Variants in ACTR3 observed in about 807,000 individuals in gnomAD.
ACTR3 encodes the protein actin-related protein 3.
In ACTR3, 12 loss-of-function variants were observed where a neutral mutation model predicts 56.8. That is an observed-to-expected ratio of 0.21 (90% confidence interval 0.14 to 0.34). The LOEUF (loss-of-function observed/expected upper bound fraction) is 0.34, where lower values mean the gene tolerates loss of function less well. Ranked by LOEUF, ACTR3 falls within the 10% of genes least tolerant of loss-of-function variation. The pLI, the probability that ACTR3 is intolerant of heterozygous loss-of-function variation, is 1.00. For synonymous variants in ACTR3, 162 were observed against 167.4 expected, an observed-to-expected ratio of 0.97 and a Z score of 0.25; for missense variants, 282 against 512.5, an observed-to-expected ratio of 0.55 and a Z score of 4.34.
chr2:113,959,089 T>C lies in ACTR3; in HGVS notation c.*1634T>C, dbSNP rs1487700807. On this transcript the variant is annotated 3_prime_UTR_variant, in exon 12 of 12. Transcript: ENST00000263238. The stretch of plus-strand genomic sequence containing the variant: ...TACTTGGAAAAGTAATTCACAAACA[T>C]TATAAAAATACTATTCAAACAGTAC... The C allele has an allele frequency of 2.0e-5, 3 of 152,006 alleles. No individual in the cohort carries two copies. Among genetic ancestry groups the C allele is most frequent in the African/African-American group, 4.8e-5 (2 of 41,434 alleles). The allele number at this position is 152,006 out of a possible 1,614,324, so 9.4% of individuals were successfully genotyped here.
chr2:113,934,436 C>T (rs1679787684), intron 6 of ACTR3, 50 bp downstream of exon 6: 1 of 1,188,194 alleles, frequency 8.4e-7, no homozygotes, highest in Admixed American at 2.6e-5. Flanking sequence ...ACACATCTGG[C>T]AAAGTTAAAT....
At position 113,912,437 on chromosome 2, in the gene ACTR3, T is replaced by A. The variant is rs541291820; in HGVS notation, c.45-735T>A. On this transcript the variant is annotated intron_variant, in intron 1 of 11. Coordinates refer to ENST00000263238, the MANE Select transcript of ACTR3 (RefSeq NM_005721.5). ...TTTTATAATTTCTAATCCTTATTTATGTTGTTATTTTGTTAGAAGAATGTA... is the reference window on the plus strand; with the variant it reads ...TTTTATAATTTCTAATCCTTATTTAAGTTGTTATTTTGTTAGAAGAATGTA... Among the ~76,000 whole-genome samples, 21 of 152,300 alleles carry A rather than the reference T, an allele frequency of 1.4e-4. No homozygotes were observed. The South Asian group carries it at 4.3e-3, about 32-fold the overall frequency.
intron 1 of ACTR3, among the ~76,000 whole-genome samples, chr2:113,902,694 G>T (rs1375814992): frequency 6.6e-6 from 1 of 151,922 alleles, no homozygotes; most frequent in South Asian, 2.1e-4. Flanking sequence ...CTTTCTCCCG[G>T]GTTCAAGTGA....
At chr2:113,929,254 A>G (rs1195424326) in intron 4 of ACTR3, among the ~76,000 whole-genome samples, 1 of 151,816 alleles carries the variant, frequency 6.6e-6, no homozygotes, top group Non-Finnish European at 1.5e-5. Flanking sequence ...CAGTTCTCCC[A>G]GCTCAGATTC....
intron 3 of ACTR3, among the ~76,000 whole-genome samples, chr2:113,923,173 T>G (rs1365815322): frequency 6.6e-6 from 1 of 152,230 alleles, no homozygotes; most frequent in African/African-American, 2.4e-5. Context: ...TTTTTCTCTT[T>G]CCTTTTAAAA....
intron 8 of ACTR3, among the ~76,000 whole-genome samples, chr2:113,943,989 CAG>C (rs1364565860): frequency 6.6e-6 from 1 of 152,024 alleles, no homozygotes; most frequent in Non-Finnish European, 1.5e-5. Flanking sequence ...CTGAAGATGA[CAG>C]AGAGGTAGAA....
intron 9 of ACTR3, 74 bp from the exon 10 acceptor site, chr2:113,951,646 A>G: frequency 6.7e-7 from 1 of 1,497,046 alleles, no homozygotes; most frequent in Non-Finnish European, 9.2e-7. Context: ...AGGATATAAT[A>G]GCATTTCAGT....
chr2:113,896,268 C>CT lies in ACTR3; in HGVS notation c.44+5955dup, dbSNP rs1281212007. The stretch of plus-strand genomic sequence containing the variant: ...TTAAATATAATAATTGGTTGGCTTT[C>CT]TTTTTTTTTTGAGTTTCAGTTCTTA... On this transcript the variant is annotated intron_variant, in intron 1 of 11. Transcript: ENST00000263238. 3.2e-3 allele frequency among the ~76,000 whole-genome samples: 483 copies of CT among 149,106 alleles called. 4 individuals carry two copies. Among genetic ancestry groups the CT allele is most frequent in the African/African-American group, 0.011 (445 of 40,642 alleles).
At chr2:113,934,540 A>C in intron 6 of ACTR3, 154 bp downstream of exon 6, 1 of 453,872 alleles carries the variant, frequency 2.2e-6, no homozygotes, top group Non-Finnish European at 3.8e-6. Flanking sequence ...CACCGTTTAA[A>C]ACTTTTATAA....
Position 113,901,867 on chromosome 2 carries a change from A to G in ACTR3, c.45-11305A>G, listed in dbSNP as rs538665750. ...TATTAGCCCCTAGCAAGAGAGTGTA[A>G]TTGTACATGTTTTAATGTACAAGCA... On this transcript the variant is annotated intron_variant, in intron 1 of 11. Coordinates refer to ENST00000263238, the MANE Select transcript of ACTR3 (RefSeq NM_005721.5). Among the ~76,000 whole-genome samples, 42 of 152,310 alleles carry G rather than the reference A, an allele frequency of 2.8e-4. 1 individual carries two copies. The highest frequency in any genetic ancestry group is 9.9e-4 in the African/African-American group (41 of 41,564).
intron 4 of ACTR3, among the ~76,000 whole-genome samples, chr2:113,930,801 T>C (rs763964704): frequency 6.6e-6 from 1 of 152,232 alleles, no homozygotes; most frequent in African/African-American, 2.4e-5. Context: ...TAAATTAATA[T>C]AACATTTTTC....
intron 1 of ACTR3, among the ~76,000 whole-genome samples, chr2:113,900,615 C>T (rs1410432226): frequency 6.6e-6 from 1 of 152,192 alleles, no homozygotes; most frequent in East Asian, 1.9e-4. Flanking sequence ...CTGTTAGGTC[C>T]TTTAATCCTT....
intron 1 of ACTR3, among the ~76,000 whole-genome samples, chr2:113,891,612 A>G (rs1678899324): frequency 6.6e-6 from 1 of 150,532 alleles, no homozygotes; most frequent in Non-Finnish European, 1.5e-5. Context: ...GTGGACTGTC[A>G]GGCTTTTTTT....
At chr2:113,922,104 G>T (rs1000948312) in intron 3 of ACTR3, among the ~76,000 whole-genome samples, 1 of 152,154 alleles carries the variant, frequency 6.6e-6, no homozygotes, top group Non-Finnish European at 1.5e-5. Context: ...GAGTAGTTGG[G>T]CTAGATGAAA....
intron 6 of ACTR3, among the ~76,000 whole-genome samples, chr2:113,936,137 C>G (rs761021763): frequency 6.6e-6 from 1 of 151,794 alleles, no homozygotes; most frequent in Non-Finnish European, 1.5e-5. Flanking sequence ...ACAAAAAATG[C>G]AAAAATTAAT....
At chr2:113,938,163 A>G (rs984531238) in intron 6 of ACTR3, among the ~76,000 whole-genome samples, 2 of 151,394 alleles carry the variant, frequency 1.3e-5, no homozygotes, top group Non-Finnish European at 2.9e-5. Context: ...TAAATTTTAG[A>G]TACTGTATTT....
At position 113,957,527 on chromosome 2, in the gene ACTR3, G is replaced by C. The variant is rs1321740868; in HGVS notation, c.*72G>C. On this transcript the variant is annotated 3_prime_UTR_variant, in exon 12 of 12. Coordinates refer to ENST00000263238, the MANE Select transcript of ACTR3 (RefSeq NM_005721.5). The stretch of plus-strand genomic sequence containing the variant: ...TCTTTCTGATTACCTGTTTTGTCTG[G>C]ATGGCTGGTTTTGAGGTTTTAAACC... 1 of 1,282,040 alleles carries C rather than the reference G, an allele frequency of 7.8e-7. No homozygotes were observed. Among genetic ancestry groups the C allele is most frequent in the South Asian group, 1.2e-5 (1 of 83,112 alleles). The allele number at this position is 1,282,040 out of a possible 1,614,324, so 79.4% of individuals were successfully genotyped here. A position where few individuals can be genotyped will look rare whatever the true frequency, so the allele number is the denominator to read the frequency against.
intron 1 of ACTR3, among the ~76,000 whole-genome samples, chr2:113,893,954 A>G (rs907060493): frequency 2.0e-5 from 3 of 152,206 alleles, no homozygotes; most frequent in South Asian, 2.1e-4. Context: ...TGTGGCCACA[A>G]TTCAGCAATT....
intron 5 of ACTR3, chr2:113,934,032 T>C (rs757902192): frequency 1.4e-5 from 6 of 416,998 alleles, no homozygotes; most frequent in African/African-American, 2.1e-5. Context: ...TTATAAAATA[T>C]GTAAATCTTA....
Sources: allele counts gnomAD v4.1 joint callset (sites outside exome capture counted in the v4.1 genomes callset), GRCh38; gene constraint gnomAD v4.1.1; transcripts MANE v1.5; gene names NCBI Gene and HGNC (gene_info 2026-07-23, HGNC 2026-07-21).